Variants in CDH2 observed in about 807,000 individuals in gnomAD.
CDH2 encodes cadherin 2.
A neutral mutation model predicts 92.0 loss-of-function variants in CDH2; 17 were observed. That is an observed-to-expected ratio of 0.18 (90% CI 0.13 to 0.28). CDH2 has a LOEUF of 0.28. CDH2 is among the 10% of genes least tolerant of loss of function. CDH2 has a pLI of 1.00. For synonymous variants in CDH2, 419 were observed against 415.9 expected (o/e 1.01, Z -0.09); for missense variants, 862 against 1,133.1 (o/e 0.76, Z 3.44).
At chr18:28,176,749 C>A (rs1217082916) in intron 1 of CDH2, among the ~76,000 whole-genome samples, 1 of 151,812 alleles carries the variant, frequency 6.6e-6, no homozygotes, top group Non-Finnish European at 1.5e-5. Context: ...CCAGGAAAGG[C>A]GCGAGAGACC....
intron 2 of CDH2, among the ~76,000 whole-genome samples, chr18:28,056,759 C>T (rs535458498): frequency 6.6e-6 from 1 of 152,146 alleles, no homozygotes; most frequent in Non-Finnish European, 1.5e-5. Flanking sequence ...TATTGAGTCC[C>T]TGAAACCCTC....
chr18:27,950,859 A>G (rs1909404577), downstream of CDH2: 1 of 152,316 alleles, frequency 6.6e-6, no homozygotes, highest in Admixed American at 6.6e-5. Context: ...TCAATGGTGA[A>G]TAGTGCAAGA....
chr18:28,026,507 G>A (rs1201823664), intron 2 of CDH2, among the ~76,000 whole-genome samples: 2 of 152,086 alleles, frequency 1.3e-5, no homozygotes, highest in East Asian at 3.9e-4. Flanking sequence ...ATCAAGGGTA[G>A]GCAGGCCAAG....
chr18:27,971,958 G>A (rs76688444), intron 14 of CDH2, among the ~76,000 whole-genome samples: 2,765 of 152,232 alleles, frequency 0.018, 81 homozygotes, highest in African/African-American at 0.063. Flanking sequence ...CTTAAAGTCC[G>A]ATAGTTGGGC....
intron 9 of CDH2, among the ~76,000 whole-genome samples, chr18:27,991,654 T>C (rs1310879195): frequency 6.6e-6 from 1 of 152,216 alleles, no homozygotes; most frequent in East Asian, 1.9e-4. Flanking sequence ...GGTTAAATAG[T>C]TGGCCATGAT....
chr18:27,942,151 G>A (rs1315011261), intron 6 of CDH2, among the ~76,000 whole-genome samples: 6 of 151,982 alleles, frequency 3.9e-5, no homozygotes, highest in African/African-American at 1.5e-4. Context: ...ATACTGGAAG[G>A]GCAAAAAGAA....
intron 6 of CDH2, among the ~76,000 whole-genome samples, chr18:27,945,129 AG>A (rs1909237810): frequency 6.6e-6 from 1 of 152,068 alleles, no homozygotes; most frequent in Admixed American, 6.5e-5. Context: ...GTGCTTAATT[AG>A]GCTAAGAAGC....
chr18:27,977,282 C>G (rs925314155), intron 14 of CDH2, among the ~76,000 whole-genome samples: 1 of 152,156 alleles, frequency 6.6e-6, no homozygotes, highest in African/African-American at 2.4e-5. Context: ...ACAATCTAAG[C>G]CACAGCAGAA....
chr18:27,945,365 G>A (rs1353154047), intron 6 of CDH2, among the ~76,000 whole-genome samples: 1 of 49,842 alleles, frequency 2.0e-5, no homozygotes, highest in Admixed American at 3.3e-4. Flanking sequence ...TTTGCTTGTT[G>A]TTGCTAAGGA....
rs1426886483 is a variant in CDH2, at chr18:28,166,162, ATATATATATATGTC to A, written c.60+10787_60+10800del. Among the ~76,000 whole-genome samples, 220 of 138,002 alleles carry A rather than the reference ATATATATATATGTC, an allele frequency of 1.6e-3. 1 individual carries two copies. The highest frequency in any genetic ancestry group is 3.6e-3 in the Middle Eastern group (1 of 274). The allele number at this position is 138,002 out of a possible 152,430, so 90.5% of individuals were successfully genotyped here. On this transcript the variant is annotated intron_variant, in intron 1 of 15. Transcript: ENST00000269141. Reference sequence around the variant, plus strand: ...TTCAGACACACTCATATATATATATATATATATATATGTCTGTATTTTAATTATGAAGAATCAAG... The same window carrying A: ...TTCAGACACACTCATATATATATATATGTATTTTAATTATGAAGAATCAAG...
chr18:28,165,924 T>C (rs2016371864), intron 1 of CDH2, among the ~76,000 whole-genome samples: 1 of 151,658 alleles, frequency 6.6e-6, no homozygotes, highest in Admixed American at 6.6e-5. Flanking sequence ...TGTGTATATA[T>C]GTCACCACAT....
Position 28,177,080 on chromosome 18 carries a change from G to A in CDH2, c.-58C>T. The A allele has an allele frequency of 7.5e-7, 1 of 1,340,318 alleles. No individual in the cohort carries two copies. Among genetic ancestry groups the A allele is most frequent in the Admixed American group, 2.2e-5 (1 of 45,442 alleles). 83.0% of individuals were successfully genotyped at this position (1,340,318 alleles called of 1,614,324 possible). A position where few individuals can be genotyped will look rare whatever the true frequency, so the allele number is the denominator to read the frequency against. On this transcript the variant is annotated 5_prime_UTR_variant, in exon 1 of 16. Transcript: ENST00000269141. ...GGAGGCGGCGGCGGCGGCGGCGGCGGCGGAGGAGGAGGAGGCAGCGGCAGC... is the reference window on the plus strand; with the variant it reads ...GGAGGCGGCGGCGGCGGCGGCGGCGACGGAGGAGGAGGAGGCAGCGGCAGC...
chr18:28,062,848 T>G (rs1308697247), intron 2 of CDH2, among the ~76,000 whole-genome samples: 1 of 151,990 alleles, frequency 6.6e-6, no homozygotes, highest in Admixed American at 6.6e-5. Context: ...TGGCACATGC[T>G]TGGAGTCCCA....
chr18:28,049,708 CAAT>C (rs2014152234), intron 2 of CDH2, among the ~76,000 whole-genome samples: 1 of 152,224 alleles, frequency 6.6e-6, no homozygotes. Flanking sequence ...TCCACAACAA[CAAT>C]CTCAGCCACA....
At chr18:28,036,325 G>A (rs1205207603) in intron 2 of CDH2, 4 of 622,566 alleles carry the variant, frequency 6.4e-6, no homozygotes, top group Non-Finnish European at 8.5e-6. Flanking sequence ...TTGATTTTAG[G>A]TTAACAGAAA....
At chr18:28,093,331 C>T (rs2015070135) in intron 2 of CDH2, among the ~76,000 whole-genome samples, 1 of 152,064 alleles carries the variant, frequency 6.6e-6, no homozygotes, top group African/African-American at 2.4e-5. Context: ...TTAGAAGATA[C>T]TGGGTAAAGT....
chr18:28,149,854 C>T (rs2144331275), intron 1 of CDH2, among the ~76,000 whole-genome samples: 1 of 152,270 alleles, frequency 6.6e-6, no homozygotes, highest in Non-Finnish European at 1.5e-5. Flanking sequence ...ACAGTATTCA[C>T]CTCACAAACT....
Position 27,998,479 on chromosome 18 carries a change from G to A in CDH2, c.1020+4518C>T, listed in dbSNP as rs28365283. 5.6e-4 allele frequency among the ~76,000 whole-genome samples: 85 copies of A among 152,268 alleles called. 1 individual carries two copies. The East Asian group carries it at 0.013, about 23-fold the overall frequency. ...TCAGGTATGGTCAAGAATCTGTACC[G>A]TTAACCAATCCACTACGTGAGTGCC... On this transcript the variant is annotated intron_variant, in intron 7 of 15. Transcript: ENST00000269141.
intron 2 of CDH2, among the ~76,000 whole-genome samples, chr18:28,102,567 G>C (rs2015244668): frequency 6.6e-6 from 1 of 152,182 alleles, no homozygotes. Flanking sequence ...CCTTGGGAAA[G>C]AGCAATTGCA....
Sources: gnomAD v4.1 joint callset for allele counts (sites outside exome capture counted in the v4.1 genomes callset) on GRCh38, gnomAD v4.1.1 for gene constraint, MANE v1.5 for transcripts, NCBI Gene and HGNC (gene_info 2026-07-23, HGNC 2026-07-21) for gene names.